NRXN3: variants seen among roughly 807,000 people sequenced by gnomAD.
NRXN3 encodes neurexin III.
A neutral mutation model predicts 137.6 loss-of-function variants in NRXN3; 32 were observed. That is an observed-to-expected ratio of 0.23 (90% CI 0.18 to 0.31). The LOEUF (loss-of-function observed/expected upper bound fraction) is 0.31. Ranked by LOEUF, NRXN3 falls within the 10% of genes least tolerant of loss-of-function variation. The probability of loss-of-function intolerance (pLI) is 1.00; values close to 1 mark genes in which losing one functional copy is unlikely to be tolerated. For synonymous variants in NRXN3, 798 were observed against 784.5 expected (o/e 1.02, Z -0.29); for missense variants, 1,574 against 2,062.5 (o/e 0.76, Z 4.59).
At chr14:79,670,623 A>G (rs2153997729) in intron 17 of NRXN3, among the ~76,000 whole-genome samples, 1 of 152,098 alleles carries the variant, frequency 6.6e-6, no homozygotes, top group East Asian at 1.9e-4. Flanking sequence ...CTTAAGCTAT[A>G]TTTGTATGCT....
intron 4 of NRXN3, among the ~76,000 whole-genome samples, chr14:78,626,225 G>A (rs536122916): frequency 1.6e-4 from 24 of 152,272 alleles, no homozygotes; most frequent in Admixed American, 5.2e-4. Flanking sequence ...AGCTTGTTAC[G>A]TGGTGAGCTT....
At chr14:79,603,093 G>A (rs925684637) in intron 16 of NRXN3, among the ~76,000 whole-genome samples, 3 of 152,134 alleles carry the variant, frequency 2.0e-5, no homozygotes, top group African/African-American at 7.2e-5. Context: ...TTTCTTACAG[G>A]AACTTTTACA....
chr14:78,890,111 G>A (rs1035425521), intron 10 of NRXN3, among the ~76,000 whole-genome samples: 5 of 151,892 alleles, frequency 3.3e-5, no homozygotes, highest in African/African-American at 4.8e-5. Context: ...TTGGATCTCC[G>A]ACTCTGGCCT....
At chr14:79,791,186 G>A (rs908300151) in intron 19 of NRXN3, 4 of 152,100 alleles carry the variant, frequency 2.6e-5, no homozygotes, top group Non-Finnish European at 4.4e-5. Context: ...TCCCACCCCT[G>A]GGTATTGCTA....
intron 15 of NRXN3, among the ~76,000 whole-genome samples, chr14:79,147,993 C>G (rs555493914): frequency 6.6e-6 from 1 of 152,056 alleles, no homozygotes; most frequent in Non-Finnish European, 1.5e-5. Context: ...CTTCTACTTT[C>G]CTGTCTCCAG....
chr14:79,222,993 C>T (rs7159606), intron 15 of NRXN3, among the ~76,000 whole-genome samples: 4,189 of 152,090 alleles, frequency 0.028, 140 homozygotes, highest in South Asian at 0.086. Context: ...ACAGTTACAT[C>T]ATGCTTTTAA....
chr14:78,349,236 A>C (rs932976995), intron 4 of NRXN3, among the ~76,000 whole-genome samples: 2 of 152,222 alleles, frequency 1.3e-5, no homozygotes, highest in African/African-American at 4.8e-5. Context: ...CGAACAGCAG[A>C]GCTCTGGTGC....
At chr14:78,435,573 A>G (rs948679153) in intron 4 of NRXN3, among the ~76,000 whole-genome samples, 9 of 152,202 alleles carry the variant, frequency 5.9e-5, no homozygotes, top group East Asian at 1.9e-4. Flanking sequence ...AGAGCAATAA[A>G]TGTTCTGTGA....
At chr14:79,165,921 G>T (rs370356919) in intron 15 of NRXN3, among the ~76,000 whole-genome samples, 16 of 152,036 alleles carry the variant, frequency 1.1e-4, no homozygotes, top group Middle Eastern at 3.4e-3. Flanking sequence ...ACGAGCTTTT[G>T]ATTGCTGCAC....
rs561058615 is a variant in NRXN3, at chr14:78,215,908, C to T, written c.-703-26483C>T. On this transcript the variant is annotated intron_variant, in intron 1 of 20. Transcript: ENST00000335750. ...TCCCTCCCAGGGCTTGGTCTGGGTGCCATAGCTCCAGATAATAAAAACTCA... is the reference window on the plus strand; with the variant it reads ...TCCCTCCCAGGGCTTGGTCTGGGTGTCATAGCTCCAGATAATAAAAACTCA... Among the ~76,000 whole-genome samples the T allele has an allele frequency of 2.4e-4, 37 of 152,274 alleles. 2 individuals carry two copies. In the South Asian group the frequency reaches 6.8e-3, roughly 28 times the overall value.
chr14:78,656,907 C>T (rs564012611), intron 6 of NRXN3, among the ~76,000 whole-genome samples: 6 of 151,896 alleles, frequency 4.0e-5, no homozygotes, highest in Admixed American at 6.6e-5. Flanking sequence ...ATTAGCTGGG[C>T]GTGGTGGCGG....
chr14:79,739,383 G>T (rs576604160), intron 19 of NRXN3, among the ~76,000 whole-genome samples: 1 of 152,058 alleles, frequency 6.6e-6, no homozygotes, highest in African/African-American at 2.4e-5. Context: ...GGTGGCTCAC[G>T]CCTGTAATCT....
chr14:79,575,944 TA>T (rs1268066011), intron 16 of NRXN3, among the ~76,000 whole-genome samples: 1 of 152,228 alleles, frequency 6.6e-6, no homozygotes, highest in Non-Finnish European at 1.5e-5. Context: ...GCTATTTTTT[TA>T]AGTTACTTTG....
At chr14:79,580,962 G>C (rs2097709951) in intron 16 of NRXN3, among the ~76,000 whole-genome samples, 1 of 152,022 alleles carries the variant, frequency 6.6e-6, no homozygotes, top group African/African-American at 2.4e-5. Flanking sequence ...TTCCAAGTCT[G>C]TAGAATATTG....
intron 6 of NRXN3, among the ~76,000 whole-genome samples, chr14:78,659,222 AG>A (rs2097812425): frequency 6.6e-6 from 1 of 152,198 alleles, no homozygotes; most frequent in Non-Finnish European, 1.5e-5. Flanking sequence ...CTAAGAACAG[AG>A]GCTTCAGAAG....
rs1555499207 is a variant in NRXN3 at position 78,794,939 on chromosome 14, A to AAC, written c.2045-8680_2045-8679insCA. On this transcript the variant is annotated intron_variant, in intron 8 of 20. Transcript: ENST00000335750. The stretch of plus-strand genomic sequence containing the variant: ...AAACAAACAAACAAACAAACAAACA[A>AAC]AAAAAAAAGTAGCCAGGTGTGGTGG... Among the ~76,000 whole-genome samples the AAC allele has an allele frequency of 8.1e-3, 1,178 of 144,692 alleles. 114 individuals carry two copies. In the East Asian group the frequency reaches 0.21, roughly 25 times the overall value. 94.9% of individuals were successfully genotyped at this position (144,692 alleles called of 152,430 possible).
intron 16 of NRXN3, among the ~76,000 whole-genome samples, chr14:79,602,071 G>T (rs1056880061): frequency 1.3e-5 from 2 of 152,086 alleles, no homozygotes; most frequent in Non-Finnish European, 2.9e-5. Context: ...CACTGATCAG[G>T]CTAAATACAA....
At chr14:79,424,334 C>T (rs2370982) in intron 15 of NRXN3, among the ~76,000 whole-genome samples, 31,211 of 151,918 alleles carry the variant, frequency 0.21, 3,331 homozygotes, top group African/African-American at 0.24. Context: ...AGGTAGATAA[C>T]GGCATTCAGA....
intron 15 of NRXN3, among the ~76,000 whole-genome samples, chr14:79,314,977 C>T (rs917641996): frequency 6.6e-6 from 1 of 152,186 alleles, no homozygotes; most frequent in Admixed American, 6.5e-5. Flanking sequence ...TGCCAGGACG[C>T]CTGCTTATTA....
Sources: allele counts gnomAD v4.1 joint callset (sites outside exome capture counted in the v4.1 genomes callset), GRCh38; gene constraint gnomAD v4.1.1; transcripts MANE v1.5; gene names NCBI Gene and HGNC (gene_info 2026-07-23, HGNC 2026-07-21).